Variants in TUBGCP3 observed in about 807,000 individuals in gnomAD.
The protein encoded by TUBGCP3 is gamma-tubulin complex component 3.
Under a neutral mutation model 123.1 loss-of-function variants are expected in TUBGCP3, and 50 were observed. The observed-to-expected ratio is 0.41, with a 90% CI of 0.32 to 0.51. TUBGCP3 has a LOEUF of 0.51. TUBGCP3 is among the 20% of genes least tolerant of loss of function. The pLI, the probability that TUBGCP3 is intolerant of heterozygous loss-of-function variation, is 0.36. For synonymous variants in TUBGCP3, 405 were observed against 413.9 expected, an observed-to-expected ratio of 0.98 and a Z score of 0.26; for missense variants, 882 against 1,127.0, an observed-to-expected ratio of 0.78 and a Z score of 3.11.
the TUBGCP3 span, among the ~76,000 whole-genome samples, chr13:112,602,439 C>T: frequency 2.6e-5 from 4 of 152,156 alleles, no homozygotes; most frequent in Non-Finnish European, 1.5e-5. Context: ...GAGCCACCAC[C>T]GTGGTCAGAG....
At position 112,485,999 on chromosome 13, in the gene TUBGCP3, G is replaced by C; in HGVS notation, c.2718C>G (p.His906Gln). The stretch of plus-strand genomic sequence containing the variant: ...CCTGGGAGGACCGCGAGCTTCACGT[G>C]TGGGAGCTGCGCCGCCCCCTGGTAC... ...SLGTRGRRSS[H>Q]T The change falls in exon 22 of 22, where the codon CAC becomes CAG. Residue 906 changes from histidine to glutamine, a missense_variant. Physicochemically the swap from His to Gln is conservative, Grantham distance 24 (BLOSUM62 0). This residue lies in a region of TUBGCP3 where 160 missense variants were observed against 220.3 expected (regional missense o/e 0.73). Coordinates refer to ENST00000261965, the MANE Select transcript of TUBGCP3 (RefSeq NM_006322.6). The C allele has an allele frequency of 6.3e-7, 1 of 1,598,038 alleles. No homozygotes were observed.
chr13:112,577,854 G>A (rs748794653), intron 1 of TUBGCP3, among the ~76,000 whole-genome samples: 47 of 152,158 alleles, frequency 3.1e-4, no homozygotes, highest in Non-Finnish European at 4.9e-4. Context: ...TTAAAGCTCC[G>A]TTTTCAAACT....
chr13:112,503,975 C>T, intron 19 of TUBGCP3, 57 bp downstream of exon 19: 1 of 1,547,450 alleles, frequency 6.5e-7, no homozygotes, highest in South Asian at 1.2e-5. Flanking sequence ...TGACAGGAAC[C>T]CAAGAAAAGA....
At chr13:112,570,450 G>A (rs1010728734) in intron 1 of TUBGCP3, among the ~76,000 whole-genome samples, 1 of 152,168 alleles carries the variant, frequency 6.6e-6, no homozygotes, top group African/African-American at 2.4e-5. Context: ...TAAAAGTTAG[G>A]TTTAATATAC....
chr13:112,493,373 C>T (rs149087207), intron 20 of TUBGCP3, among the ~76,000 whole-genome samples: 657 of 135,656 alleles, frequency 4.8e-3, no homozygotes, highest in Non-Finnish European at 8.3e-3. Context: ...GGCCTGGTGT[C>T]CCTGAGACGC....
intron 13 of TUBGCP3, among the ~76,000 whole-genome samples, chr13:112,525,465 A>T (rs1876974049): frequency 6.6e-6 from 1 of 152,264 alleles, no homozygotes. Context: ...AGCTCATGAA[A>T]GGAACAGTCA....
chr13:112,554,306 A>C (rs1431926883), intron 7 of TUBGCP3, 124 bp from the exon 8 acceptor site: 2 of 1,177,018 alleles, frequency 1.7e-6, no homozygotes, highest in East Asian at 5.1e-5. Context: ...TAAAAGTTAA[A>C]ACTAAGATCC....
intron 20 of TUBGCP3, among the ~76,000 whole-genome samples, chr13:112,496,788 C>T (rs1286266125): frequency 1.3e-5 from 2 of 152,106 alleles, no homozygotes; most frequent in Non-Finnish European, 2.9e-5. Flanking sequence ...AGATCGAGAC[C>T]ATCCTGGCTA....
chr13:112,558,272 C>A lies in TUBGCP3; in HGVS notation c.472G>T (p.Gly158Cys), dbSNP rs750667962. 8 of 1,612,940 alleles carry A rather than the reference C, an allele frequency of 5.0e-6. No individual in the cohort carries two copies. In the African/African-American group the frequency reaches 8.0e-5, roughly 16 times the overall value. The change falls in exon 5 of 22, where the codon GGC becomes TGC. Residue 158 changes from glycine to cysteine, a missense_variant. This residue lies in a region of TUBGCP3 where 713 missense variants were observed against 874.0 expected (regional missense o/e 0.82). Transcript: ENST00000261965. ...CCAATGCTGCTGATGCCACTGCTGC[C>A]CACGCTGCCGGAGCTCTGGGCTGAC... ...AQSAQSSGSVGSSGISSIGLC... is the reference protein window; with the variant it reads ...AQSAQSSGSVCSSGISSIGLC...
intron 11 of TUBGCP3, among the ~76,000 whole-genome samples, chr13:112,538,662 T>C (rs1000522866): frequency 2.0e-5 from 3 of 152,336 alleles, no homozygotes; most frequent in South Asian, 2.1e-4. Flanking sequence ...TATCTCTTTA[T>C]TGATATTTTG....
At position 112,542,013 on chromosome 13, in the gene TUBGCP3, G is replaced by C. The variant is rs191846958; in HGVS notation, c.1335+3686C>G. The stretch of plus-strand genomic sequence containing the variant: ...AGGGTACAATTATAATGGATGATAA[G>C]AAGATACACCTCAAAACTGAGAACA... On this transcript the variant is annotated intron_variant, in intron 11 of 21. Transcript: ENST00000261965. 3.0e-3 allele frequency among the ~76,000 whole-genome samples: 457 copies of C among 152,248 alleles called. 1 individual carries two copies. In the Middle Eastern group the frequency reaches 0.034, roughly 11 times the overall value.
At chr13:112,585,027 C>T (rs1882512334) in intron 1 of TUBGCP3, among the ~76,000 whole-genome samples, 1 of 152,160 alleles carries the variant, frequency 6.6e-6, no homozygotes, top group South Asian at 2.1e-4. Flanking sequence ...TGCTTTGCTT[C>T]TGAAGGTCCC....
chr13:112,543,389 G>A (rs1418995326), intron 11 of TUBGCP3, among the ~76,000 whole-genome samples: 1 of 152,134 alleles, frequency 6.6e-6, no homozygotes, highest in Non-Finnish European at 1.5e-5. Context: ...AGGAACATAA[G>A]AAGCCTGAAA....
intron 8 of TUBGCP3, among the ~76,000 whole-genome samples, chr13:112,551,621 C>CCTGCCATCTA (rs1879595321): frequency 1.3e-5 from 2 of 152,162 alleles, no homozygotes; most frequent in African/African-American, 4.8e-5. Context: ...CACGTCACAC[C>CCTGCCATCTA]CTAGTCCATA....
At chr13:112,487,330 C>T (rs948388911) in intron 21 of TUBGCP3, among the ~76,000 whole-genome samples, 1 of 152,076 alleles carries the variant, frequency 6.6e-6, no homozygotes, top group Non-Finnish European at 1.5e-5. Context: ...CCACAGAGAG[C>T]AGAGACGGAT....
At chr13:112,516,331 G>A in intron 17 of TUBGCP3, 109 bp downstream of exon 17, 1 of 1,188,826 alleles carries the variant, frequency 8.4e-7, no homozygotes, top group Non-Finnish European at 1.1e-6. Flanking sequence ...ATATATAGCT[G>A]TCACCGTGAG....
the TUBGCP3 span, among the ~76,000 whole-genome samples, chr13:112,598,111 G>C: frequency 6.6e-6 from 1 of 152,052 alleles, no homozygotes; most frequent in East Asian, 1.9e-4. Flanking sequence ...TGATATTTCA[G>C]CAGAAAGAAA....
intron 11 of TUBGCP3, among the ~76,000 whole-genome samples, chr13:112,539,766 C>T (rs113928591): frequency 5.2e-5 from 7 of 133,772 alleles, no homozygotes; most frequent in African/African-American, 1.2e-4. Context: ...CTGGGAATGA[C>T]GACATCAATG....
rs748906318 is a variant in TUBGCP3 at position 112,554,891 on chromosome 13, C to T, written c.836G>A (p.Gly279Glu). 2 of 1,593,466 alleles carry T rather than the reference C, an allele frequency of 1.3e-6. No homozygotes were observed. Among genetic ancestry groups the T allele is most frequent in the Admixed American group, 3.5e-5 (2 of 56,848 alleles). The change falls in exon 7 of 22, where the codon GGA becomes GAA. Residue 279 changes from glycine (G) to glutamate (E), a missense_variant. Gly to Glu is a moderately conservative substitution (Grantham distance 98). Coordinates refer to ENST00000261965, the MANE Select transcript of TUBGCP3 (RefSeq NM_006322.6). Reference protein sequence around the residue: ...NNTENCYKVEGKANLSRSLRD... With the variant: ...NNTENCYKVEEKANLSRSLRD... ...TTAGATTTTATGTTACTGTACCTTTCCTTCTACTTTGTAACAATTTTCAGT... is the reference window on the plus strand; with the variant it reads ...TTAGATTTTATGTTACTGTACCTTTTCTTCTACTTTGTAACAATTTTCAGT...
Sources: gnomAD v4.1 joint callset for allele counts (sites outside exome capture counted in the v4.1 genomes callset) on GRCh38, gnomAD v4.1.1 for gene constraint, gnomAD v4.1.1 regional missense constraint, MANE v1.5 for transcripts, NCBI Gene and HGNC (gene_info 2026-07-23, HGNC 2026-07-21) for gene names.